The following RAB3C variants were observed in gnomAD, a reference collection of about 807,000 sequenced individuals.
The protein encoded by RAB3C is ras-related protein Rab-3C.
A neutral mutation model predicts 26.4 loss-of-function variants in RAB3C; 17 were observed. That is an observed-to-expected ratio of 0.64 (90% CI 0.44 to 0.97). The LOEUF is 0.97. RAB3C is among the 50% of genes least tolerant of loss of function. The pLI is 0.00. For missense variants in RAB3C, 242 were observed against 281.9 expected (o/e 0.86, Z 1.01); for synonymous variants, 91 against 95.9 (o/e 0.95, Z 0.30).
At chr5:58,784,959 G>A (rs1053356928) in intron 3 of RAB3C, among the ~76,000 whole-genome samples, 5 of 152,250 alleles carry the variant, frequency 3.3e-5, no homozygotes, top group African/African-American at 1.2e-4. Flanking sequence ...AGGTAAGGAT[G>A]AAAAGCTAAA....
chr5:58,600,004 C>T (rs1285386599), intron 1 of RAB3C, among the ~76,000 whole-genome samples: 1 of 152,148 alleles, frequency 6.6e-6, no homozygotes, highest in East Asian at 1.9e-4. Context: ...AGTCCTTAAT[C>T]CATCTTCAGT....
chr5:58,675,625 T>TTTTTTTTGGC (rs1554047223), intron 2 of RAB3C, among the ~76,000 whole-genome samples: 157 of 150,796 alleles, frequency 1.0e-3, no homozygotes, highest in Middle Eastern at 6.9e-3. Context: ...CTTTTTTTTT[T>TTTTTTTTGGC]TTTTTTTTTT....
intron 1 of RAB3C, among the ~76,000 whole-genome samples, chr5:58,604,655 G>A (rs983707115): frequency 1.3e-5 from 2 of 152,292 alleles, no homozygotes; most frequent in Non-Finnish European, 2.9e-5. Context: ...CTCACACTGT[G>A]ACCCCAACAA....
At chr5:58,766,332 G>C (rs922984316) in intron 3 of RAB3C, among the ~76,000 whole-genome samples, 4 of 152,002 alleles carry the variant, frequency 2.6e-5, no homozygotes, top group Non-Finnish European at 5.9e-5. Flanking sequence ...TGGCCAAGCT[G>C]TTCTTGAACT....
rs1480984184 is a variant in RAB3C at position 58,622,447 on chromosome 5, G to A, written c.252+4577G>A. Among the ~76,000 whole-genome samples the A allele has an allele frequency of 2.0e-5, 3 of 152,082 alleles. No homozygotes were observed. The East Asian group carries it at 5.8e-4, about 29-fold the overall frequency. On this transcript the variant is annotated intron_variant, in intron 2 of 4. Transcript: ENST00000282878. ...AAAAATAAAAAATCTAAAAATAAAA[G>A]ACATGGTTAATATGGAGGGAAAGTT...
chr5:58,686,119 A>G (rs1748439677), intron 2 of RAB3C, among the ~76,000 whole-genome samples: 1 of 152,206 alleles, frequency 6.6e-6, no homozygotes, highest in Non-Finnish European at 1.5e-5. Context: ...ATAAGTGATG[A>G]CAGTCTGAAT....
chr5:58,583,326 C>A (rs770478600), intron 1 of RAB3C, 94 bp downstream of exon 1: 16 of 1,588,474 alleles, frequency 1.0e-5, no homozygotes, highest in Non-Finnish European at 1.3e-5. Flanking sequence ...AAGGAAAGGT[C>A]TAGGCGGTCA....
Position 58,690,287 on chromosome 5 carries a change from A to G in RAB3C, c.253-35715A>G, listed in dbSNP as rs534369416. Among the ~76,000 whole-genome samples the G allele has an allele frequency of 1.8e-3, 276 of 152,274 alleles. 1 individual carries two copies. The highest frequency in any genetic ancestry group is 6.2e-3 in the African/African-American group (259 of 41,562). On this transcript the variant is annotated intron_variant, in intron 2 of 4. Transcript: ENST00000282878. ...TGGTAACTGAATTCATTCCTGTTTC[A>G]GTTATTTATTAGTGTGTAACAAACT...
intron 3 of RAB3C, among the ~76,000 whole-genome samples, chr5:58,813,625 TATATATATAC>T (rs1277619754): frequency 1.0e-3 from 20 of 19,920 alleles, no homozygotes; most frequent in East Asian, 2.4e-3. Context: ...TATATATATA[TATATATATAC>T]ACACACACAC....
intron 3 of RAB3C, among the ~76,000 whole-genome samples, chr5:58,757,931 G>GTTTTGTT (rs1554016856): frequency 6.6e-6 from 1 of 151,146 alleles, no homozygotes; most frequent in Non-Finnish European, 1.5e-5. Context: ...TGTTGTTGTT[G>GTTTTGTT]TTGTTTTGTT....
chr5:58,668,729 AT>A (rs1029403012), intron 2 of RAB3C, among the ~76,000 whole-genome samples: 2 of 151,288 alleles, frequency 1.3e-5, no homozygotes, highest in African/African-American at 4.9e-5. Flanking sequence ...TGTTCTAATC[AT>A]TTTTTTTTCT....
chr5:58,612,516 G>GTATATATATATATATA lies in RAB3C; in HGVS notation c.25-5126_25-5125insATATATATATATATAT, dbSNP rs1561266342. ...TGTGTGTGTGTGTGTGTGTGTGTGT[G>GTATATATATATATATA]TGTGTATATATATATATATATATAT... On this transcript the variant is annotated intron_variant, in intron 1 of 4. Coordinates refer to ENST00000282878, the MANE Select transcript of RAB3C (RefSeq NM_138453.4). Among the ~76,000 whole-genome samples, 12 of 41,058 alleles carry GTATATATATATATATA rather than the reference G, an allele frequency of 2.9e-4. 1 individual carries two copies. The highest frequency in any genetic ancestry group is 1.1e-3 in the African/African-American group (12 of 11,388). 26.9% of individuals were successfully genotyped at this position (41,058 alleles called of 152,430 possible). A position where few individuals can be genotyped will look rare whatever the true frequency, so the allele number is the denominator to read the frequency against.
intron 3 of RAB3C, among the ~76,000 whole-genome samples, chr5:58,780,715 G>A (rs981392155): frequency 2.0e-5 from 3 of 152,078 alleles, no homozygotes; most frequent in African/African-American, 7.2e-5. Flanking sequence ...GTGAGCCTAT[G>A]TCTGTTTCAC....
At chr5:58,745,411 A>G (rs984996604) in intron 3 of RAB3C, among the ~76,000 whole-genome samples, 10 of 150,776 alleles carry the variant, frequency 6.6e-5, no homozygotes, top group Non-Finnish European at 8.9e-5. Context: ...AAAAAAAAAA[A>G]AAAAAAAAGA....
chr5:58,832,650 T>C (rs1257265379), intron 4 of RAB3C, among the ~76,000 whole-genome samples: 4 of 152,334 alleles, frequency 2.6e-5, no homozygotes, highest in South Asian at 4.1e-4. Context: ...AGATTAAGAA[T>C]GTCCCTGTTT....
intron 1 of RAB3C, among the ~76,000 whole-genome samples, chr5:58,606,735 C>A (rs965083438): frequency 2.0e-5 from 3 of 152,204 alleles, no homozygotes; most frequent in Admixed American, 6.5e-5. Context: ...GCAATATTTG[C>A]TGTTCTGCAG....
At chr5:58,819,926 G>A (rs980199930) in intron 3 of RAB3C, among the ~76,000 whole-genome samples, 1 of 152,130 alleles carries the variant, frequency 6.6e-6, no homozygotes, top group Non-Finnish European at 1.5e-5. Flanking sequence ...TGATCACTAT[G>A]CAGCAAGACC....
intron 3 of RAB3C, among the ~76,000 whole-genome samples, chr5:58,789,908 A>G (rs1742482370): frequency 6.6e-6 from 1 of 152,208 alleles, no homozygotes; most frequent in Non-Finnish European, 1.5e-5. Flanking sequence ...ACATTTTACC[A>G]ACCTGAAGAG....
chr5:58,692,503 G>GA (rs1748591190), intron 2 of RAB3C, among the ~76,000 whole-genome samples: 1 of 151,760 alleles, frequency 6.6e-6, no homozygotes, highest in South Asian at 2.1e-4. Flanking sequence ...ATTTAAGTGG[G>GA]AAAAACATTA....
Sources: allele counts gnomAD v4.1 joint callset (sites outside exome capture counted in the v4.1 genomes callset), GRCh38; gene constraint gnomAD v4.1.1; transcripts MANE v1.5; gene names NCBI Gene and HGNC (gene_info 2026-07-23, HGNC 2026-07-21).